Variants in DHRS12 observed in about 807,000 individuals in gnomAD.
The protein encoded by DHRS12 is dehydrogenase/reductase SDR family member 12.
Under a neutral mutation model 32.1 loss-of-function variants are expected in DHRS12, and 29 were observed. That is an observed-to-expected ratio of 0.90 (90% CI 0.67 to 1.23). DHRS12 has a LOEUF of 1.23. Among genes scored for constraint, DHRS12 ranks in the 50% most tolerant of loss-of-function variants. The pLI is 0.00. For synonymous variants in DHRS12, 150 were observed against 135.9 expected (o/e 1.10, Z -0.72); for missense variants, 330 against 337.2 (o/e 0.98, Z 0.17).
Position 51,790,070 on chromosome 13 carries a change from A to T in DHRS12, c.242T>A (p.Val81Asp), listed in dbSNP as rs780069512. The T allele has an allele frequency of 6.3e-7, 1 of 1,598,620 alleles. No individual in the cohort carries two copies. Among genetic ancestry groups the T allele is most frequent in the East Asian group, 2.3e-5 (1 of 44,090 alleles). Residue 81 changes from valine to aspartate, a missense_variant, in exon 4 of 9, where the codon GTC (valine) becomes GAC (aspartate). Val to Asp is a radical substitution (Grantham distance 152). Coordinates refer to ENST00000444610, the MANE Select transcript of DHRS12 (RefSeq NM_001377533.1). Reference sequence around the variant, plus strand: ...ATCTTCTGTGAGCTCTCTTTTATTGACCATGCAACCTGCATTATTGATCTA... The same window carrying T: ...ATCTTCTGTGAGCTCTCTTTTATTGTCCATGCAACCTGCATTATTGATCTA... Reference protein sequence around the residue: ...HVLINNAGCMVNKRELTEDGL... With the variant: ...HVLINNAGCMDNKRELTEDGL...
intron 1 of DHRS12, among the ~76,000 whole-genome samples, chr13:51,802,316 G>A (rs2139471735): frequency 6.6e-6 from 1 of 152,256 alleles, no homozygotes. Flanking sequence ...GCATCATCTG[G>A]AAACCTGTTG....
chr13:51,755,420 C>G, the DHRS12 span: 1 of 1,614,154 alleles, frequency 6.2e-7, no homozygotes, highest in Non-Finnish European at 8.5e-7. Flanking sequence ...TCTGGAACTT[C>G]AAGCAAATGT....
Position 51,769,244 on chromosome 13 carries a change from C to T in DHRS12, c.609G>A (p.Leu203=), listed in dbSNP as rs1953898429. ...PGFHARFGDR[L]RSEAQGADTM... ...TGTCCGCGCCCTGGGCCTCGGAGCG[C>T]AGGCGGTCCCCGAACCTGGCGTGGA... Residue 203 remains leucine, a synonymous_variant, in exon 8 of 9, where the codon CTG becomes CTA. Coordinates refer to ENST00000444610, the MANE Select transcript of DHRS12 (RefSeq NM_001377533.1). 1 of 1,590,996 alleles carries T rather than the reference C, an allele frequency of 6.3e-7. No individual in the cohort carries two copies. The highest frequency in any genetic ancestry group is 1.3e-5 in the African/African-American group (1 of 74,596).
At chr13:51,771,372 T>C (rs1294405409) in intron 7 of DHRS12, 1 of 1,613,806 alleles carries the variant, frequency 6.2e-7, no homozygotes, top group Non-Finnish European at 8.5e-7. Context: ...CGCTTCCAGA[T>C]CATTCGAGCT....
At chr13:51,771,346 C>A in intron 7 of DHRS12, 1 of 1,609,512 alleles carries the variant, frequency 6.2e-7, no homozygotes. Flanking sequence ...TGCTCCCCTC[C>A]ACCGCTGCTC....
Position 51,788,968 on chromosome 13 carries a change from G to A in DHRS12, c.301+1043C>T, listed in dbSNP as rs917302539. Among the ~76,000 whole-genome samples the A allele has an allele frequency of 2.4e-4, 37 of 152,222 alleles. 1 individual carries two copies. Among genetic ancestry groups the A allele is most frequent in the South Asian group, 6.2e-4 (3 of 4,826 alleles). On this transcript the variant is annotated intron_variant, in intron 4 of 8. Coordinates refer to ENST00000444610, the MANE Select transcript of DHRS12 (RefSeq NM_001377533.1). ...GGGGAAGAAGAGAAGGGGAGTCCCC[G>A]GTGACCAGGTAGGTGAATGCTTCTA...
chr13:51,769,281 G>A lies in DHRS12; in HGVS notation c.572C>T (p.Ala191Val), dbSNP rs371510695. Residue 191 changes from alanine to valine, a missense_variant, in exon 8 of 9, where the codon GCG becomes GTG. Transcript: ENST00000444610. ...GAACCTGGCGTGGAACCCCGGCATC[G>A]CCTGCCTCACACCTGGGAGAAGGAA... ...GWADTPGVRQ[A>V]MPGFHARFGD... 1.9e-6 allele frequency: 3 copies of A among 1,575,606 alleles called. No homozygotes were observed. Among genetic ancestry groups the A allele is most frequent in the Non-Finnish European group, 2.6e-6 (3 of 1,159,352 alleles).
chr13:51,803,236 G>C (rs186980635), intron 1 of DHRS12, among the ~76,000 whole-genome samples: 1 of 152,182 alleles, frequency 6.6e-6, no homozygotes, highest in Non-Finnish European at 1.5e-5. Flanking sequence ...CCAGTGCAGG[G>C]AGAAGCCTCT....
chr13:51,776,977 G>C (rs1488002060), intron 5 of DHRS12, 83 bp downstream of exon 5: 26 of 1,523,898 alleles, frequency 1.7e-5, no homozygotes, highest in Middle Eastern at 1.7e-4. Flanking sequence ...CCTTAGGGCA[G>C]TCAGGCAGCA....
chr13:51,765,544 C>G (rs1383891454), downstream of DHRS12: 1 of 152,208 alleles, frequency 6.6e-6, no homozygotes, highest in East Asian at 1.9e-4. Flanking sequence ...AAAGTCCCTT[C>G]CAATCCTGTG....
At chr13:51,787,128 G>A (rs7331639) in intron 4 of DHRS12, among the ~76,000 whole-genome samples, 2 of 152,224 alleles carry the variant, frequency 1.3e-5, no homozygotes, top group East Asian at 1.9e-4. Context: ...ATCAAAGCCC[G>A]AGAATTATTA....
the DHRS12 span, chr13:51,759,865 TAAGA>T: frequency 6.3e-5 from 86 of 1,374,436 alleles, no homozygotes; most frequent in Non-Finnish European, 8.4e-5. Context: ...ATGTGAGAAG[TAAGA>T]AAGAAACTAA....
At chr13:51,787,936 T>G (rs1049669335) in intron 4 of DHRS12, among the ~76,000 whole-genome samples, 1 of 134,724 alleles carries the variant, frequency 7.4e-6, no homozygotes, top group Non-Finnish European at 1.5e-5. Context: ...TATACTTATA[T>G]ATATAATTAT....
intron 4 of DHRS12, among the ~76,000 whole-genome samples, chr13:51,783,179 G>A (rs1954799450): frequency 2.0e-5 from 3 of 152,086 alleles, no homozygotes; most frequent in Non-Finnish European, 4.4e-5. Flanking sequence ...TCCTTAGGAC[G>A]GCTCCCCGGT....
chr13:51,762,930 C>T, the DHRS12 span: 1 of 152,186 alleles, frequency 6.6e-6, no homozygotes, highest in Non-Finnish European at 1.5e-5. Flanking sequence ...CTGAGTGTAT[C>T]TTCACAATAG....
At chr13:51,769,947 C>T (rs955731118) in intron 7 of DHRS12, among the ~76,000 whole-genome samples, 5 of 152,168 alleles carry the variant, frequency 3.3e-5, no homozygotes, top group Admixed American at 2.0e-4. Context: ...TGGCTCCAGT[C>T]CACACCCCAT....
In DHRS12 at chr13:51,768,293, C is replaced by G; in HGVS notation, c.701G>C (p.Arg234Pro). ...AQPSGRFFQD[R>P]KPVSTHLPLA... ...AGGCAAGTGTGTAGAAACTGGCTTCCGATCTAAAAGTGAGAGGGAACCGCA... is the reference window on the plus strand; with the variant it reads ...AGGCAAGTGTGTAGAAACTGGCTTCGGATCTAAAAGTGAGAGGGAACCGCA... Residue 234 changes from arginine (R) to proline (P), a missense_variant, in exon 9 of 9, where the codon CGG becomes CCG. Physicochemically the swap from Arg to Pro is moderately radical, Grantham distance 103 (BLOSUM62 -2). Transcript: ENST00000444610. 1 of 1,535,860 alleles carries G rather than the reference C, an allele frequency of 6.5e-7. No individual in the cohort carries two copies. Among genetic ancestry groups the G allele is most frequent in the Non-Finnish European group, 8.7e-7 (1 of 1,146,894 alleles).
chr13:51,786,601 C>A (rs1201145535), intron 4 of DHRS12, among the ~76,000 whole-genome samples: 3 of 152,212 alleles, frequency 2.0e-5, no homozygotes, highest in Non-Finnish European at 4.4e-5. Context: ...CCAGGCCCCA[C>A]CCGCCCCCGC....
chr13:51,774,274 C>A (rs939205395), intron 5 of DHRS12: 2 of 454,658 alleles, frequency 4.4e-6, no homozygotes, highest in Non-Finnish European at 7.6e-6. Context: ...CTACAGTATT[C>A]TCCTACAGTA....
Sources: gnomAD v4.1 joint callset for allele counts (sites outside exome capture counted in the v4.1 genomes callset) on GRCh38, gnomAD v4.1.1 for gene constraint, MANE v1.5 for transcripts, NCBI Gene and HGNC (gene_info 2026-07-23, HGNC 2026-07-21) for gene names.